Variants in SVIL observed in about 807,000 individuals in gnomAD.
SVIL encodes the protein archvillin.
A neutral mutation model predicts 240.4 loss-of-function variants in SVIL; 101 were observed. That is an observed-to-expected ratio of 0.42 (90% CI 0.36 to 0.50). SVIL has a LOEUF of 0.50. Among genes scored for constraint, SVIL ranks in the 20% least tolerant of loss-of-function variants. The pLI is 0.01. For missense variants in SVIL, 2,512 were observed against 2,818.7 expected, an observed-to-expected ratio of 0.89 and a Z score of 2.46; for synonymous variants, 999 against 1,100.0, an observed-to-expected ratio of 0.91 and a Z score of 1.82.
intron 1 of SVIL, among the ~76,000 whole-genome samples, chr10:29,719,981 C>T (rs981082473): frequency 1.3e-5 from 2 of 152,050 alleles, no homozygotes; most frequent in Non-Finnish European, 2.9e-5. Flanking sequence ...TAATTCCAAG[C>T]ACAAGAAATA....
intron 3 of SVIL, among the ~76,000 whole-genome samples, chr10:29,562,224 G>A (rs887735220): frequency 6.6e-6 from 1 of 152,134 alleles, no homozygotes; most frequent in Non-Finnish European, 1.5e-5. Context: ...TGAGACTAAT[G>A]ATCATTCCTT....
intron 1 of SVIL, among the ~76,000 whole-genome samples, chr10:29,696,082 C>T (rs1480830804): frequency 6.6e-6 from 1 of 151,792 alleles, no homozygotes; most frequent in Non-Finnish European, 1.5e-5. Context: ...CTGCCGAGTG[C>T]CTGCGATTGC....
chr10:29,579,939 C>G (rs191868971), intron 1 of SVIL, among the ~76,000 whole-genome samples: 2 of 152,062 alleles, frequency 1.3e-5, no homozygotes, highest in African/African-American at 4.8e-5. Flanking sequence ...TTAGTCTTCT[C>G]GGTGACTTAT....
intron 1 of SVIL, among the ~76,000 whole-genome samples, chr10:29,599,885 C>G (rs1414443015): frequency 6.6e-6 from 1 of 151,786 alleles, no homozygotes; most frequent in Non-Finnish European, 1.5e-5. Flanking sequence ...TAATGACAGC[C>G]CTCTTCTGTT....
chr10:29,604,252 T>C (rs1425318482), intron 1 of SVIL, among the ~76,000 whole-genome samples: 1 of 148,786 alleles, frequency 6.7e-6, no homozygotes, highest in Non-Finnish European at 1.5e-5. Flanking sequence ...CAGGCTGGAG[T>C]GCAGTGGTGC....
At chr10:29,563,816 G>A (rs1954725451) in intron 2 of SVIL, among the ~76,000 whole-genome samples, 1 of 152,196 alleles carries the variant, frequency 6.6e-6, no homozygotes, top group African/African-American at 2.4e-5. Flanking sequence ...AAGAGGAAAT[G>A]AAAGAGGAGA....
chr10:29,555,955 C>A (rs549482550), intron 3 of SVIL, among the ~76,000 whole-genome samples: 1 of 152,310 alleles, frequency 6.6e-6, no homozygotes, highest in African/African-American at 2.4e-5. Flanking sequence ...AGGTCCTCCG[C>A]CTCCCTGCAC....
chr10:29,477,055 G>A (rs1405975907), intron 29 of SVIL, among the ~76,000 whole-genome samples: 1 of 151,978 alleles, frequency 6.6e-6, no homozygotes, highest in African/African-American at 2.4e-5. Context: ...TAGAGACAGG[G>A]GGTTTCACCA....
chr10:29,471,145 A>C lies in SVIL; in HGVS notation c.5628T>G (p.Asn1876Lys), dbSNP rs373862622. The stretch of plus-strand genomic sequence containing the variant: ...GCAGTAAAAGTGACTTACTTTGCAC[A>C]TTTTCTTCTTCCTCTTCCCGCCTCC... ...HSGRREEEEE[N>K]VQSEWRLYCV... Residue 1876 changes from asparagine to lysine, a missense_variant, in exon 31 of 38, where the codon AAT becomes AAG. By Grantham distance (94) the Asn-to-Lys change is moderately conservative (BLOSUM62 0). Coordinates refer to ENST00000355867, the MANE Select transcript of SVIL (RefSeq NM_021738.3). The C allele has an allele frequency of 2.5e-6, 4 of 1,613,246 alleles. No homozygotes were observed. The highest frequency in any genetic ancestry group is 3.4e-6 in the Non-Finnish European group (4 of 1,179,698).
intron 27 of SVIL, chr10:29,483,691 C>G (rs1947120844): frequency 6.6e-6 from 1 of 152,108 alleles, no homozygotes; most frequent in South Asian, 2.1e-4. Flanking sequence ...TAGTTCCAGT[C>G]CTTAAAATAA....
chr10:29,626,430 A>C (rs1957872577), intron 1 of SVIL, among the ~76,000 whole-genome samples: 2 of 152,184 alleles, frequency 1.3e-5, no homozygotes, highest in Non-Finnish European at 2.9e-5. Context: ...CCTGACACAC[A>C]GTAAGTGCTC....
At chr10:29,643,738 G>A (rs1362783249) in intron 3 of SVIL, among the ~76,000 whole-genome samples, 1 of 152,048 alleles carries the variant, frequency 6.6e-6, no homozygotes, top group African/African-American at 2.4e-5. Flanking sequence ...AACTTTACTG[G>A]CTTTAGCTGA....
chr10:29,551,021 G>A lies in SVIL; in HGVS notation c.403C>T (p.Arg135Cys), dbSNP rs566919175. Reference protein sequence around the residue: ...DPEADSEYLSRYTKSRKEPDA... With the variant: ...DPEADSEYLSCYTKSRKEPDA... ...GGCTCCTTCCTGGACTTGGTATAGC[G>A]GGATAAATACTCGGAGTCGGCCTCG... Residue 135 changes from arginine to cysteine, a missense_variant, in exon 6 of 38, where the codon CGC (arginine) becomes TGC (cysteine). Physicochemically the swap from Arg to Cys is radical, Grantham distance 180. Coordinates refer to ENST00000355867, the MANE Select transcript of SVIL (RefSeq NM_021738.3). 6.2e-6 allele frequency: 10 copies of A among 1,614,108 alleles called. No homozygotes were observed. The highest frequency in any genetic ancestry group is 1.1e-5 in the South Asian group (1 of 91,080).
At chr10:29,468,956 TCAC>T (rs1369810187) in intron 32 of SVIL, 1 of 152,184 alleles carries the variant, frequency 6.6e-6, no homozygotes, top group East Asian at 1.9e-4. Flanking sequence ...TTGGGCTTAT[TCAC>T]CACCAAGTCC....
chr10:29,640,097 A>G (rs1032267448), intron 3 of SVIL, among the ~76,000 whole-genome samples: 1 of 151,886 alleles, frequency 6.6e-6, no homozygotes, highest in Admixed American at 6.6e-5. Flanking sequence ...GCTCTTGCCT[A>G]CCTTCTCTTC....
chr10:29,651,924 C>G (rs1350748575), intron 3 of SVIL, among the ~76,000 whole-genome samples: 1 of 152,058 alleles, frequency 6.6e-6, no homozygotes, highest in Non-Finnish European at 1.5e-5. Flanking sequence ...ATTTAGAGGT[C>G]ATTCTTAATT....
Position 29,471,206 on chromosome 10 carries a change from A to G in SVIL, c.5567T>C (p.Leu1856Pro). The change falls in exon 31 of 38, where the codon CTG (leucine) becomes CCG (proline). Residue 1856 changes from leucine to proline, a missense_variant. Coordinates refer to ENST00000355867, the MANE Select transcript of SVIL (RefSeq NM_021738.3). ...CACCATCCCCCCCTGGAAACACTGC[A>G]GGAAACAGGGGGGCTCCTTTCCCTG... ...VLQGKEPPCF[L>P]QCFQGGMVVH... 6.2e-7 allele frequency: 1 copy of G among 1,613,696 alleles called. No individual in the cohort carries two copies. The highest frequency in any genetic ancestry group is 8.5e-7 in the Non-Finnish European group (1 of 1,179,742).
At chr10:29,611,279 C>T (rs1451014116) in intron 1 of SVIL, among the ~76,000 whole-genome samples, 1 of 151,978 alleles carries the variant, frequency 6.6e-6, no homozygotes, top group Non-Finnish European at 1.5e-5. Flanking sequence ...ACTGCTCCTT[C>T]ACACTTTCAA....
intron 1 of SVIL, among the ~76,000 whole-genome samples, chr10:29,620,871 C>G (rs1957607039): frequency 6.6e-6 from 1 of 152,202 alleles, no homozygotes; most frequent in Non-Finnish European, 1.5e-5. Context: ...CCCACCTCAG[C>G]CTCCCAAAGT....
Sources: gnomAD v4.1 joint callset for allele counts (sites outside exome capture counted in the v4.1 genomes callset) on GRCh38, gnomAD v4.1.1 for gene constraint, MANE v1.5 for transcripts, NCBI Gene and HGNC (gene_info 2026-07-23, HGNC 2026-07-21) for gene names.